The following PDLIM5 variants were observed in gnomAD, a reference collection of about 807,000 sequenced individuals.
PDLIM5 encodes PDZ and LIM domain protein 5.
A neutral mutation model predicts 64.2 loss-of-function variants in PDLIM5; 34 were observed. The observed-to-expected ratio is 0.53, with a 90% confidence interval of 0.40 to 0.71. The LOEUF is 0.71. Ranked by LOEUF, PDLIM5 falls within the 30% of genes least tolerant of loss-of-function variation. The pLI is 0.00. For missense variants in PDLIM5, 683 were observed against 733.6 expected (o/e 0.93, Z 0.80); for synonymous variants, 253 against 269.1 (o/e 0.94, Z 0.59).
chr4:94,665,297 C>A lies in PDLIM5; in HGVS notation c.*1230C>A. The stretch of plus-strand genomic sequence containing the variant: ...AAGAGATCAAGATCATCCTGGCCAA[C>A]ATGGTGAAACCCTGTCTCTACTAAA... On this transcript the variant is annotated 3_prime_UTR_variant, in exon 13 of 13. Transcript: ENST00000317968. 1 of 259,098 alleles carries A rather than the reference C, an allele frequency of 3.9e-6. No individual in the cohort carries two copies. The highest frequency in any genetic ancestry group is 6.0e-6 in the Non-Finnish European group (1 of 165,620). 16.0% of individuals were successfully genotyped at this position (259,098 alleles called of 1,614,324 possible). A position where few individuals can be genotyped will look rare whatever the true frequency, so the allele number is the denominator to read the frequency against.
At chr4:94,616,746 A>G (rs1268508477) in intron 7 of PDLIM5, among the ~76,000 whole-genome samples, 1 of 152,246 alleles carries the variant, frequency 6.6e-6, no homozygotes, top group East Asian at 1.9e-4. Flanking sequence ...ATAAAAGCTG[A>G]TGGCTCTATG....
chr4:94,591,471 C>A (rs1439969665), intron 7 of PDLIM5, among the ~76,000 whole-genome samples: 1 of 152,162 alleles, frequency 6.6e-6, no homozygotes, highest in Non-Finnish European at 1.5e-5. Context: ...GGACTTGATA[C>A]CTCTGCTGAT....
rs561276282 is a variant in PDLIM5, at chr4:94,605,265, G to A, written c.921-12739G>A. 1.2e-3 allele frequency among the ~76,000 whole-genome samples: 187 copies of A among 152,270 alleles called. 1 individual carries two copies. Among genetic ancestry groups the A allele is most frequent in the Admixed American group, 3.5e-3 (54 of 15,294 alleles). ...CTTACTGGTCCTACAGGATGGTAAG[G>A]ATGGTAAATTAGTAGATGGACAACT... On this transcript the variant is annotated intron_variant, in intron 7 of 12. Transcript: ENST00000317968.
At chr4:94,499,488 A>G (rs777957250) in intron 2 of PDLIM5, among the ~76,000 whole-genome samples, 1 of 152,240 alleles carries the variant, frequency 6.6e-6, no homozygotes, top group Non-Finnish European at 1.5e-5. Flanking sequence ...ACAATGTAAC[A>G]ATAAAAAATA....
chr4:94,665,513 GAGA>G lies in PDLIM5; in HGVS notation c.*1447_*1449del. ...AAAAAAAAAAAAAAAAAAAGAGAGA[GAGA>G]GAATAAATAGAAAAGAATGTGGCTG... On this transcript the variant is annotated 3_prime_UTR_variant, in exon 13 of 13. Transcript: ENST00000317968. 1.3e-6 allele frequency: 1 copy of G among 762,332 alleles called. No homozygotes were observed. Among genetic ancestry groups the G allele is most frequent in the Non-Finnish European group, 1.6e-6 (1 of 631,440 alleles). 47.2% of individuals were successfully genotyped at this position (762,332 alleles called of 1,614,324 possible).
intron 2 of PDLIM5, among the ~76,000 whole-genome samples, chr4:94,521,418 G>C (rs892175669): frequency 5.3e-5 from 8 of 152,086 alleles, no homozygotes; most frequent in Non-Finnish European, 1.2e-4. Context: ...AGGATGGACA[G>C]ATCACATTTA....
intron 9 of PDLIM5, among the ~76,000 whole-genome samples, chr4:94,642,503 T>C (rs1030749457): frequency 2.6e-5 from 4 of 152,216 alleles, no homozygotes; most frequent in Admixed American, 6.5e-5. Flanking sequence ...TATGCTAACA[T>C]GAGTAGCCAT....
At chr4:94,542,508 A>G (rs1018912959) in intron 3 of PDLIM5, among the ~76,000 whole-genome samples, 1 of 152,144 alleles carries the variant, frequency 6.6e-6, no homozygotes, top group African/African-American at 2.4e-5. Context: ...TCAGTGATAC[A>G]TCTTACCTTC....
At chr4:94,502,600 G>A (rs1728026920) in intron 2 of PDLIM5, among the ~76,000 whole-genome samples, 1 of 152,144 alleles carries the variant, frequency 6.6e-6, no homozygotes, top group South Asian at 2.1e-4. Context: ...GTTAAGGCCG[G>A]GCGCAGTGGC....
At chr4:94,579,862 A>T (rs930730417) in intron 5 of PDLIM5, among the ~76,000 whole-genome samples, 3 of 152,164 alleles carry the variant, frequency 2.0e-5, no homozygotes, top group African/African-American at 7.2e-5. Flanking sequence ...AAGCATAAAC[A>T]TTTATACCAC....
intron 2 of PDLIM5, among the ~76,000 whole-genome samples, chr4:94,461,643 C>T (rs891326547): frequency 6.6e-6 from 1 of 151,958 alleles, no homozygotes; most frequent in African/African-American, 2.4e-5. Flanking sequence ...GTTATCTACC[C>T]TTCTGTAAAT....
At chr4:94,661,227 A>C (rs538242601) in intron 11 of PDLIM5, among the ~76,000 whole-genome samples, 1 of 152,096 alleles carries the variant, frequency 6.6e-6, no homozygotes, top group African/African-American at 2.4e-5. Context: ...TGTCTCTACA[A>C]AAAAAATTTT....
chr4:94,462,874 T>C (rs1052118325), intron 2 of PDLIM5, among the ~76,000 whole-genome samples: 1 of 152,224 alleles, frequency 6.6e-6, no homozygotes, highest in Non-Finnish European at 1.5e-5. Context: ...TTTACAGGGC[T>C]CAGTCACAAG....
At chr4:94,589,053 G>T (rs1736470690) in intron 7 of PDLIM5, among the ~76,000 whole-genome samples, 1 of 152,034 alleles carries the variant, frequency 6.6e-6, no homozygotes, top group South Asian at 2.1e-4. Flanking sequence ...TGTGTCTCTG[G>T]CCTCTGTAAG....
intron 3 of PDLIM5, among the ~76,000 whole-genome samples, chr4:94,525,447 A>T (rs918410509): frequency 3.0e-4 from 46 of 152,004 alleles, no homozygotes; most frequent in African/African-American, 1.1e-3. Flanking sequence ...TTAAAAAAAA[A>T]GAGGGAAATA....
chr4:94,488,433 G>C (rs1003027310), intron 2 of PDLIM5, among the ~76,000 whole-genome samples: 1 of 151,966 alleles, frequency 6.6e-6, no homozygotes, highest in African/African-American at 2.4e-5. Context: ...CTTTCCTAAA[G>C]CTCTTTATAA....
intron 2 of PDLIM5, among the ~76,000 whole-genome samples, chr4:94,523,078 A>G (rs1471116361): frequency 6.6e-6 from 1 of 152,216 alleles, no homozygotes; most frequent in African/African-American, 2.4e-5. Flanking sequence ...AGGGGAAGAA[A>G]GACTAAGGAT....
At chr4:94,452,546 ACTT>A (rs755496159) in intron 1 of PDLIM5, among the ~76,000 whole-genome samples, 2 of 152,236 alleles carry the variant, frequency 1.3e-5, no homozygotes, top group Non-Finnish European at 2.9e-5. Flanking sequence ...TTTGGGGAAA[ACTT>A]CTGCGCGTCC....
intron 2 of PDLIM5, among the ~76,000 whole-genome samples, chr4:94,460,932 A>C (rs1218385999): frequency 6.6e-6 from 1 of 152,212 alleles, no homozygotes; most frequent in Admixed American, 6.5e-5. Flanking sequence ...AATTTTTTTT[A>C]GAACTTCTGA....
Sources: gnomAD v4.1 joint callset for allele counts (sites outside exome capture counted in the v4.1 genomes callset) on GRCh38, gnomAD v4.1.1 for gene constraint, MANE v1.5 for transcripts, NCBI Gene and HGNC (gene_info 2026-07-23, HGNC 2026-07-21) for gene names.